ABLIM1: variants seen among roughly 807,000 people sequenced by gnomAD.
The protein encoded by ABLIM1 is actin binding LIM protein 1.
A neutral mutation model predicts 107.0 loss-of-function variants in ABLIM1; 40 were observed. The ratio of observed to expected loss-of-function variants is 0.37; its 90% CI spans 0.29 to 0.49. ABLIM1 has a LOEUF of 0.49. ABLIM1 is among the 20% of genes least tolerant of loss of function. The pLI is 0.97. For synonymous variants in ABLIM1, 357 were observed against 357.3 expected, an observed-to-expected ratio of 1.00 and a Z score of 0.01; for missense variants, 857 against 1,008.5, an observed-to-expected ratio of 0.85 and a Z score of 2.04.
At chr10:114,758,648 C>T (rs1371355180) in intron 1 of ABLIM1, among the ~76,000 whole-genome samples, 1 of 152,180 alleles carries the variant, frequency 6.6e-6, no homozygotes, top group Non-Finnish European at 1.5e-5. Flanking sequence ...CTGTTTACCT[C>T]ATTGTCCTCG....
chr10:114,437,648 C>A (rs1405561748), intron 22 of ABLIM1, among the ~76,000 whole-genome samples, 196 bp downstream of exon 22: 1 of 152,200 alleles, frequency 6.6e-6, no homozygotes, highest in African/African-American at 2.4e-5. Context: ...TATTACCAGG[C>A]ATTTTTATGC....
chr10:114,772,186 T>C (rs2083032224), upstream of ABLIM1, among the ~76,000 whole-genome samples: 1 of 152,148 alleles, frequency 6.6e-6, no homozygotes, highest in African/African-American at 2.4e-5. Context: ...GTATACAAGG[T>C]GGAGAAGCTA....
chr10:114,783,941 G>T, the ABLIM1 span, among the ~76,000 whole-genome samples: 1 of 152,108 alleles, frequency 6.6e-6, no homozygotes, highest in African/African-American at 2.4e-5. Context: ...TGGCAACACG[G>T]AAGCTGTTAG....
At chr10:114,554,569 A>G (rs572400739) in intron 4 of ABLIM1, among the ~76,000 whole-genome samples, 2 of 152,280 alleles carry the variant, frequency 1.3e-5, no homozygotes, top group South Asian at 4.1e-4. Flanking sequence ...CAGCGCTAGG[A>G]CTGCAAGTCC....
intron 4 of ABLIM1, among the ~76,000 whole-genome samples, chr10:114,552,419 G>A (rs1361312575): frequency 6.6e-6 from 1 of 151,462 alleles, no homozygotes; most frequent in African/African-American, 2.4e-5. Flanking sequence ...TGAATATGCA[G>A]TGGCATCGAG....
At chr10:114,662,285 C>G (rs2079827616), upstream of ABLIM1, among the ~76,000 whole-genome samples, 1 of 152,142 alleles carries the variant, frequency 6.6e-6, no homozygotes, top group East Asian at 1.9e-4. Flanking sequence ...GCTCAGCATG[C>G]CTTCCAAAAA....
intron 8 of ABLIM1, among the ~76,000 whole-genome samples, chr10:114,485,043 A>G (rs993097259): frequency 4.6e-5 from 7 of 152,280 alleles, no homozygotes; most frequent in African/African-American, 1.7e-4. Context: ...AAACGTGGCA[A>G]CACGGGACCA....
chr10:114,504,099 T>A (rs929252086), intron 6 of ABLIM1, among the ~76,000 whole-genome samples: 14 of 152,152 alleles, frequency 9.2e-5, no homozygotes, highest in Admixed American at 6.5e-4. Flanking sequence ...CACAAAAAAA[T>A]TGGGTTTAGA....
intron 1 of ABLIM1, among the ~76,000 whole-genome samples, chr10:114,761,072 G>A (rs2082734771): frequency 1.3e-5 from 2 of 152,050 alleles, no homozygotes; most frequent in Admixed American, 1.3e-4. Context: ...CACCAAATAA[G>A]AACTCTTAGT....
chr10:114,734,944 A>G (rs1265830188), intron 1 of ABLIM1, among the ~76,000 whole-genome samples: 1 of 152,228 alleles, frequency 6.6e-6, no homozygotes, highest in Non-Finnish European at 1.5e-5. Context: ...AGAGCTTTAA[A>G]GTGAGAACAT....
intron 6 of ABLIM1, among the ~76,000 whole-genome samples, chr10:114,534,061 G>A (rs10159811): frequency 0.41 from 61,764 of 152,062 alleles, 13,752 homozygotes; most frequent in Non-Finnish European, 0.51. Flanking sequence ...GAAAATTCCC[G>A]TGGAATTCAT....
At chr10:114,795,508 A>G in the ABLIM1 span, among the ~76,000 whole-genome samples, 1 of 152,074 alleles carries the variant, frequency 6.6e-6, no homozygotes, top group African/African-American at 2.4e-5. Flanking sequence ...GGAGTTTGAG[A>G]CCAGCCTGGC....
At chr10:114,667,044 CAG>C (rs2080055488) in intron 1 of ABLIM1, among the ~76,000 whole-genome samples, 1 of 152,282 alleles carries the variant, frequency 6.6e-6, no homozygotes, top group South Asian at 2.1e-4. Context: ...TCCAGCAAAA[CAG>C]AACAAAACAT....
intron 1 of ABLIM1, among the ~76,000 whole-genome samples, chr10:114,697,904 T>C (rs2081228723): frequency 6.6e-6 from 1 of 152,196 alleles, no homozygotes; most frequent in Non-Finnish European, 1.5e-5. Flanking sequence ...TAAATCAATA[T>C]ATTATTGAAT....
intron 6 of ABLIM1, among the ~76,000 whole-genome samples, chr10:114,531,403 T>C (rs377266041): frequency 1.3e-5 from 2 of 152,224 alleles, no homozygotes; most frequent in East Asian, 3.8e-4. Context: ...ACTGAGCAAA[T>C]ATCCAAATTT....
At position 114,451,647 on chromosome 10, in the gene ABLIM1, T is replaced by C. The variant is rs768324947; in HGVS notation, c.1571A>G (p.Lys524Arg). The C allele has an allele frequency of 3.7e-6, 6 of 1,613,582 alleles. No homozygotes were observed. The highest frequency in any genetic ancestry group is 4.2e-6 in the Non-Finnish European group (5 of 1,179,734). The change falls in exon 14 of 23, where the codon AAG becomes AGG. Residue 524 changes from lysine (K) to arginine (R), a missense_variant. By Grantham distance (26) the Lys-to-Arg change is conservative. Coordinates refer to ENST00000533213, the MANE Select transcript of ABLIM1 (RefSeq NM_002313.7). ...ACCATGCTGTTTGTAGATGGGTGGC[T>C]TTCGGTAAATGTTGATTCCTTGATC... is the stretch of plus-strand genomic sequence containing the variant. Reference protein sequence around the residue: ...VPDQGINIYRKPPIYKQHAAL... With the variant: ...VPDQGINIYRRPPIYKQHAAL...
At chr10:114,546,170 G>A (rs1171578194) in intron 5 of ABLIM1, among the ~76,000 whole-genome samples, 1 of 152,014 alleles carries the variant, frequency 6.6e-6, no homozygotes, top group African/African-American at 2.4e-5. Context: ...AAAAGCTATA[G>A]AGTGCCACCC....
chr10:114,467,817 A>T (rs911235768), intron 11 of ABLIM1, among the ~76,000 whole-genome samples: 6 of 152,206 alleles, frequency 3.9e-5, no homozygotes, highest in Middle Eastern at 3.2e-3. Flanking sequence ...AGAATACGCC[A>T]TGATGGCTGT....
intron 1 of ABLIM1, among the ~76,000 whole-genome samples, chr10:114,733,977 CA>C (rs1388126096): frequency 1.3e-5 from 2 of 152,150 alleles, no homozygotes; most frequent in Non-Finnish European, 1.5e-5. Context: ...TCTCCTGCCT[CA>C]GCCTGCCAAA....
Sources: allele counts gnomAD v4.1 joint callset (sites outside exome capture counted in the v4.1 genomes callset), GRCh38; gene constraint gnomAD v4.1.1; transcripts MANE v1.5; gene names NCBI Gene and HGNC (gene_info 2026-07-23, HGNC 2026-07-21).